The following PRKCD variants were observed in gnomAD, a reference collection of about 807,000 sequenced individuals.
PRKCD encodes the protein protein kinase C delta.
Under a neutral mutation model 82.2 loss-of-function variants are expected in PRKCD, and 20 were observed. The ratio of observed to expected loss-of-function variants is 0.24; its 90% CI spans 0.17 to 0.35. The LOEUF (loss-of-function observed/expected upper bound fraction) is 0.35. PRKCD is among the 10% of genes least tolerant of loss of function. The probability of loss-of-function intolerance (pLI) is 1.00; values close to 1 mark genes in which losing one functional copy is unlikely to be tolerated. For missense variants in PRKCD, 607 were observed against 899.0 expected (o/e 0.68, Z 4.15); for synonymous variants, 317 against 337.0 (o/e 0.94, Z 0.65).
intron 10 of PRKCD, 29 bp downstream of exon 10, chr3:53,185,003 A>G: frequency 1.9e-6 from 3 of 1,584,374 alleles, no homozygotes; most frequent in Non-Finnish European, 2.6e-6. Context: ...GACCCTGGAC[A>G]CAGGGCAGTG....
At chr3:53,176,089 C>T (rs1553665850) in intron 2 of PRKCD, among the ~76,000 whole-genome samples, 1 of 152,198 alleles carries the variant, frequency 6.6e-6, no homozygotes, top group East Asian at 1.9e-4. Context: ...TGGGGAGCAG[C>T]CAGCAGCAGC....
At chr3:53,186,762 C>T in intron 14 of PRKCD, 67 bp downstream of exon 14, 2 of 1,423,134 alleles carry the variant, frequency 1.4e-6, no homozygotes, top group Non-Finnish European at 2.0e-6. Flanking sequence ...GAGCCCACTT[C>T]CAGTCTGCCC....
rs201210965 is a variant in PRKCD, at chr3:53,188,870, C to T, written c.1554+12C>T. On this transcript the variant is annotated intron_variant, in intron 16 of 18. Coordinates refer to ENST00000330452, the MANE Select transcript of PRKCD (RefSeq NM_006254.4). Reference sequence around the variant, plus strand: ...ATATCGCCCCTGAGGTGAGCCGATACCCTTCCAGCCCCCCGCTCAGTCAGG... The same window carrying T: ...ATATCGCCCCTGAGGTGAGCCGATATCCTTCCAGCCCCCCGCTCAGTCAGG... The T allele has an allele frequency of 1.7e-5, 27 of 1,613,588 alleles. No homozygotes were observed. In the East Asian group the frequency reaches 5.1e-4, roughly 31 times the overall value.
At chr3:53,171,037 G>A (rs192843133) in intron 2 of PRKCD, among the ~76,000 whole-genome samples, 2 of 152,254 alleles carry the variant, frequency 1.3e-5, no homozygotes, top group South Asian at 2.1e-4. Flanking sequence ...GTCTAATGTC[G>A]AGTGGGGCTC....
intron 18 of PRKCD, among the ~76,000 whole-genome samples, chr3:53,190,366 G>T (rs1306127586): frequency 6.6e-6 from 1 of 152,202 alleles, no homozygotes; most frequent in East Asian, 1.9e-4. Flanking sequence ...CCCAGAACCG[G>T]AGGAGCTCTC....
rs1703352627 is a variant in PRKCD at position 53,179,661 on chromosome 3, G to A, written c.200G>A (p.Arg67His). Residue 67 changes from arginine (R) to histidine (H), a missense_variant, in exon 4 of 19, where the codon CGC becomes CAC. Physicochemically the swap from Arg to His is conservative, Grantham distance 29. Coordinates refer to ENST00000330452, the MANE Select transcript of PRKCD (RefSeq NM_006254.4). The stretch of plus-strand genomic sequence containing the variant: ...TTCGATGCCCACATCTATGAGGGGC[G>A]CGTCATCCAGATTGTGCTAATGCGG... ...STFDAHIYEG[R>H]VIQIVLMRAA... is the part of the protein sequence containing the mutation. 2.5e-6 allele frequency: 4 copies of A among 1,613,688 alleles called. No homozygotes were observed. The highest frequency in any genetic ancestry group is 1.1e-5 in the South Asian group (1 of 90,972).
intron 2 of PRKCD, among the ~76,000 whole-genome samples, chr3:53,176,069 T>A (rs879946078): frequency 3.3e-5 from 5 of 152,168 alleles, no homozygotes; most frequent in Non-Finnish European, 7.4e-5. Flanking sequence ...GATTCATGCA[T>A]GCTGCAGCCT....
At position 53,185,990 on chromosome 3, in the gene PRKCD, T is replaced by C; in HGVS notation, c.1049T>C (p.Ile350Thr). 6.2e-7 allele frequency: 1 copy of C among 1,614,206 alleles called. No homozygotes were observed. The highest frequency in any genetic ancestry group is 1.1e-5 in the South Asian group (1 of 91,084). Residue 350 changes from isoleucine (I) to threonine (T), a missense_variant, in exon 12 of 19, where the codon ATC (isoleucine) becomes ACC (threonine). Physicochemically the swap from Ile to Thr is moderately conservative, Grantham distance 89. This residue lies in a region of PRKCD where 85 missense variants were observed against 76.1 expected (regional missense o/e 1.12). Transcript: ENST00000330452. ...AGCAAGTGCAACATCAACAACTTCA[T>C]CTTCCACAAGGTCCTGGGCAAAGGC... The part of the protein sequence containing the change: ...GSSKCNINNF[I>T]FHKVLGKGSF...
At chr3:53,187,460 C>A in intron 15 of PRKCD, 58 bp downstream of exon 15, 1 of 1,570,494 alleles carries the variant, frequency 6.4e-7, no homozygotes, top group Non-Finnish European at 8.7e-7. Flanking sequence ...CCCATCATAT[C>A]TTCTGAAATG....
At position 53,189,046 on chromosome 3, in the gene PRKCD, C is replaced by A. The variant is rs782298566; in HGVS notation, c.1555-12C>A. 5 of 1,605,722 alleles carry A rather than the reference C, an allele frequency of 3.1e-6. No individual in the cohort carries two copies. The Admixed American group carries it at 8.4e-5, about 27-fold the overall frequency. ...TCAGCTCCTGCTGACCTGCTGCTCT[C>A]CCCACCGCCAGATCCTACAGGGCCT... On this transcript the variant is annotated splice_polypyrimidine_tract_variant and intron_variant, in intron 16 of 18. Transcript: ENST00000330452.
chr3:53,161,877 C>G (rs1347797534), intron 1 of PRKCD, among the ~76,000 whole-genome samples: 1 of 137,216 alleles, frequency 7.3e-6, no homozygotes, highest in African/African-American at 2.8e-5. Context: ...CCCCTACCCC[C>G]GCCCGCCGCC....
In PRKCD at chr3:53,186,113, G is replaced by T. The variant is rs45513792; in HGVS notation, c.1087-54G>T. The T allele has an allele frequency of 0.058, 92,430 of 1,607,414 alleles. 3,344 individuals are homozygous for T. The highest frequency in any genetic ancestry group is 0.15 in the African/African-American group (11,193 of 74,818). ...GGCTGAGGTGGGAGTCTGTGAATCG[G>T]GCTGTGGCCCCTGCCCCGTCCTCAC... On this transcript the variant is annotated intron_variant, in intron 12 of 18. Transcript: ENST00000330452.
chr3:53,179,262 G>A (rs1250521745), intron 3 of PRKCD, among the ~76,000 whole-genome samples: 1 of 152,226 alleles, frequency 6.6e-6, no homozygotes, highest in African/African-American at 2.4e-5. Context: ...GCTGTGTTCT[G>A]CGCCTCGAAT....
chr3:53,188,805 G>A lies in PRKCD; in HGVS notation c.1501G>A (p.Gly501Arg), dbSNP rs782726901. 1 of 1,614,156 alleles carries A rather than the reference G, an allele frequency of 6.2e-7. No homozygotes were observed. Among genetic ancestry groups the A allele is most frequent in the East Asian group, 2.2e-5 (1 of 44,872 alleles). The change falls in exon 16 of 19, where the codon GGG becomes AGG. Residue 501 changes from glycine to arginine, a missense_variant. By Grantham distance (125) the Gly-to-Arg change is moderately radical (BLOSUM62 -2). Around this residue, in one of 5 missense-constraint regions of PRKCD, gnomAD observed 251 missense variants for 423.9 expected, o/e 0.59. Coordinates refer to ENST00000330452, the MANE Select transcript of PRKCD (RefSeq NM_006254.4). ...DFGMCKENIF[G>R]ESRASTFCGT... Reference sequence around the variant, plus strand: ...TGGGATGTGCAAAGAGAACATATTCGGGGAGAGCCGGGCCAGCACCTTCTG... The same window carrying A: ...TGGGATGTGCAAAGAGAACATATTCAGGGAGAGCCGGGCCAGCACCTTCTG...
At chr3:53,184,291 T>C (rs1703585156) in intron 9 of PRKCD, among the ~76,000 whole-genome samples, 1 of 149,434 alleles carries the variant, frequency 6.7e-6, no homozygotes, top group Admixed American at 6.7e-5. Context: ...GCCGAAATCA[T>C]GTCACTGTAC....
chr3:53,182,836 G>A (rs1703497884), intron 7 of PRKCD, among the ~76,000 whole-genome samples: 3 of 152,318 alleles, frequency 2.0e-5, no homozygotes, highest in East Asian at 1.9e-4. Flanking sequence ...ATATTGCGAT[G>A]CCCTGTGCCC....
chr3:53,173,371 C>G (rs1703104869), intron 2 of PRKCD, among the ~76,000 whole-genome samples: 1 of 152,224 alleles, frequency 6.6e-6, no homozygotes, highest in Non-Finnish European at 1.5e-5. Context: ...CTTCTCTGGC[C>G]TGACCTAGCT....
chr3:53,185,777 T>TG, intron 11 of PRKCD, 77 bp downstream of exon 11: 1 of 1,548,610 alleles, frequency 6.5e-7, no homozygotes, highest in Non-Finnish European at 8.9e-7. Context: ...CTCCCTTCCA[T>TG]TGTCAAGTGA....
chr3:53,168,776 C>G (rs1553664313), intron 2 of PRKCD, among the ~76,000 whole-genome samples: 1 of 144,960 alleles, frequency 6.9e-6, no homozygotes, highest in African/African-American at 2.6e-5. Context: ...GTGGCTGGGG[C>G]ACAGGAATGA....
Sources: gnomAD v4.1 joint callset for allele counts (sites outside exome capture counted in the v4.1 genomes callset) on GRCh38, gnomAD v4.1.1 for gene constraint, gnomAD v4.1.1 regional missense constraint, MANE v1.5 for transcripts, NCBI Gene and HGNC (gene_info 2026-07-23, HGNC 2026-07-21) for gene names.